CEP112: variants seen among roughly 807,000 people sequenced by gnomAD.
CEP112 encodes the protein centrosomal protein of 112 kDa.
A neutral mutation model predicts 153.0 loss-of-function variants in CEP112; 127 were observed. The observed-to-expected ratio is 0.83, with a 90% CI of 0.72 to 0.96. The LOEUF (loss-of-function observed/expected upper bound fraction) is 0.96. CEP112 is among the 40% of genes least tolerant of loss of function. CEP112 has a pLI of 0.00. For synonymous variants in CEP112, 358 were observed against 374.4 expected (o/e 0.96, Z 0.51); for missense variants, 1,089 against 1,101.2 (o/e 0.99, Z 0.16).
intron 21 of CEP112, among the ~76,000 whole-genome samples, chr17:65,809,120 C>A (rs2055791128): frequency 6.6e-6 from 1 of 152,012 alleles, no homozygotes. Flanking sequence ...TATAGTAGCA[C>A]ATAATGGACT....
intron 19 of CEP112, among the ~76,000 whole-genome samples, chr17:65,904,892 C>T (rs1362805990): frequency 8.5e-5 from 13 of 152,148 alleles, no homozygotes; most frequent in African/African-American, 3.1e-4. Context: ...GGAAAACTGG[C>T]TAGCCATATG....
chr17:65,680,364 T>C (rs2047457399), intron 24 of CEP112, among the ~76,000 whole-genome samples: 1 of 152,178 alleles, frequency 6.6e-6, no homozygotes, highest in South Asian at 2.1e-4. Context: ...GGAGGCCCAA[T>C]ACCAAGGGCC....
At chr17:65,693,614 C>T (rs2048223613) in intron 23 of CEP112, among the ~76,000 whole-genome samples, 1 of 152,044 alleles carries the variant, frequency 6.6e-6, no homozygotes, top group Non-Finnish European at 1.5e-5. Flanking sequence ...GATGGAGTGA[C>T]CAGAAAATAG....
chr17:65,918,459 T>G (rs2060577429), intron 19 of CEP112, among the ~76,000 whole-genome samples: 2 of 149,406 alleles, frequency 1.3e-5, no homozygotes, highest in Middle Eastern at 3.2e-3. Context: ...TTGTTTTTTG[T>G]TTTTTTTGTA....
chr17:65,638,117 T>C (rs534899981), intron 25 of CEP112, among the ~76,000 whole-genome samples: 9 of 152,360 alleles, frequency 5.9e-5, no homozygotes, highest in Non-Finnish European at 7.3e-5. Context: ...AGAAACCGCC[T>C]AGTGCAGAGC....
At chr17:65,711,340 A>C (rs1358712796) in intron 23 of CEP112, among the ~76,000 whole-genome samples, 1 of 152,138 alleles carries the variant, frequency 6.6e-6, no homozygotes, top group African/African-American at 2.4e-5. Context: ...TGGGCAAGTT[A>C]TTTACATTTT....
At chr17:65,963,562 GAA>G (rs1424559832) in intron 17 of CEP112, among the ~76,000 whole-genome samples, 1 of 151,316 alleles carries the variant, frequency 6.6e-6, no homozygotes, top group African/African-American at 2.4e-5. Context: ...AGACTGATAA[GAA>G]AAAAAGTGTC....
intron 20 of CEP112, among the ~76,000 whole-genome samples, chr17:65,854,298 T>G (rs1193120050): frequency 3.3e-5 from 5 of 152,208 alleles, no homozygotes; most frequent in Non-Finnish European, 5.9e-5. Flanking sequence ...ATTATTTCAT[T>G]TTCAATATAA....
At chr17:66,038,110 A>AAAAAAAAAAAAAAAAG (rs71293591) in intron 12 of CEP112, among the ~76,000 whole-genome samples, 35 of 120,644 alleles carry the variant, frequency 2.9e-4, no homozygotes, top group Non-Finnish European at 4.5e-4. Flanking sequence ...CAAAAAAAAA[A>AAAAAAAAAAAAAAAAG]AAAAGAAAAG....
chr17:66,026,586 G>A (rs1397975599), intron 16 of CEP112, among the ~76,000 whole-genome samples: 2 of 152,166 alleles, frequency 1.3e-5, no homozygotes, highest in African/African-American at 4.8e-5. Flanking sequence ...GTTATAATGA[G>A]AGGTTAAGAT....
intron 4 of CEP112, among the ~76,000 whole-genome samples, chr17:66,164,405 A>T (rs2071841206): frequency 2.6e-5 from 4 of 152,016 alleles, no homozygotes; most frequent in Admixed American, 2.6e-4. Context: ...CAAAAATACA[A>T]AAATTAGCCA....
At chr17:65,777,083 C>T (rs936572601) in intron 21 of CEP112, among the ~76,000 whole-genome samples, 2 of 152,158 alleles carry the variant, frequency 1.3e-5, no homozygotes, top group Admixed American at 6.5e-5. Flanking sequence ...TGGACGTGGT[C>T]ATGTGACCGC....
At chr17:65,680,489 T>A (rs971247232) in intron 24 of CEP112, among the ~76,000 whole-genome samples, 4 of 151,980 alleles carry the variant, frequency 2.6e-5, no homozygotes, top group African/African-American at 4.8e-5. Context: ...ACCCTCCCTC[T>A]CCCTCTTTCC....
intron 4 of CEP112, among the ~76,000 whole-genome samples, chr17:66,172,128 T>A (rs1449012404): frequency 1.3e-5 from 2 of 152,250 alleles, no homozygotes; most frequent in Non-Finnish European, 2.9e-5. Flanking sequence ...TACTTGTTCA[T>A]GAATGCATTC....
chr17:65,741,296 G>A (rs953274083), intron 23 of CEP112, among the ~76,000 whole-genome samples: 2 of 151,804 alleles, frequency 1.3e-5, no homozygotes, highest in African/African-American at 2.4e-5. Context: ...AAGAGCCAAG[G>A]CAATAAACAC....
chr17:65,878,771 GT>G (rs1303241056), intron 20 of CEP112, among the ~76,000 whole-genome samples: 5 of 152,046 alleles, frequency 3.3e-5, no homozygotes, highest in South Asian at 2.1e-4. Flanking sequence ...ATACAGAGGG[GT>G]TGGACCCACC....
At chr17:65,779,380 G>C (rs573278492) in intron 21 of CEP112, among the ~76,000 whole-genome samples, 1 of 152,282 alleles carries the variant, frequency 6.6e-6, no homozygotes, top group Non-Finnish European at 1.5e-5. Flanking sequence ...GCAAACATTT[G>C]TGTACTATCT....
chr17:65,675,983 A>G (rs2047214596), intron 24 of CEP112, among the ~76,000 whole-genome samples: 1 of 152,198 alleles, frequency 6.6e-6, no homozygotes, highest in Admixed American at 6.5e-5. Context: ...AAGGCAGTCT[A>G]TACAAAATCA....
chr17:65,955,660 A>AT (rs1400810831), intron 18 of CEP112, among the ~76,000 whole-genome samples: 8 of 152,208 alleles, frequency 5.3e-5, no homozygotes, highest in Non-Finnish European at 1.0e-4. Context: ...AGAAAAAGAT[A>AT]TTCCATGTAA....
Sources: gnomAD v4.1 joint callset for allele counts (sites outside exome capture counted in the v4.1 genomes callset) on GRCh38, gnomAD v4.1.1 for gene constraint, MANE v1.5 for transcripts, NCBI Gene and HGNC (gene_info 2026-07-23, HGNC 2026-07-21) for gene names.